The following PDE10A variants were observed in gnomAD, a reference collection of about 807,000 sequenced individuals.
PDE10A encodes the protein phosphodiesterase 10A, also known as cAMP and cAMP-inhibited cGMP 3',5'-cyclic phosphodiesterase 10A.
Under a neutral mutation model 97.7 loss-of-function variants are expected in PDE10A, and 39 were observed. That is an observed-to-expected ratio of 0.40 (90% CI 0.31 to 0.52). The LOEUF is 0.52. Ranked by LOEUF, PDE10A falls within the 20% of genes least tolerant of loss-of-function variation. The pLI is 0.56. For missense variants in PDE10A, 731 were observed against 1,047.8 expected (o/e 0.70, Z 4.17); for synonymous variants, 371 against 376.8 (o/e 0.98, Z 0.18).
At chr6:165,760,136 G>A (rs1874188) in intron 1 of PDE10A, among the ~76,000 whole-genome samples, 86,120 of 152,076 alleles carry the variant, frequency 0.57, 27,859 homozygotes, top group Non-Finnish European at 0.72. Flanking sequence ...AGAGAGCAAA[G>A]ACACCTTTGG....
intron 3 of PDE10A, among the ~76,000 whole-genome samples, chr6:165,468,485 C>T (rs1456636334): frequency 1.3e-5 from 2 of 152,124 alleles, no homozygotes; most frequent in Admixed American, 6.5e-5. Flanking sequence ...TTTATATGCG[C>T]TGAGAAACCA....
In PDE10A at chr6:165,395,890, T is replaced by C. The variant is rs78037399; in HGVS notation, c.2219+427A>G. Among the ~76,000 whole-genome samples, 353 of 152,288 alleles carry C rather than the reference T, an allele frequency of 2.3e-3. 3 individuals carry two copies. The highest frequency in any genetic ancestry group is 8.3e-3 in the African/African-American group (345 of 41,574). ...GCCCTACCCTCTAGTAACTTAAATA[T>C]ATTAACATAGGGTTAAAAAATACAG... On this transcript the variant is annotated intron_variant, in intron 14 of 21. Coordinates refer to ENST00000539869, the MANE Select transcript of PDE10A (RefSeq NM_001385079.1).
intron 1 of PDE10A, among the ~76,000 whole-genome samples, chr6:165,825,272 G>A (rs552957076): frequency 6.6e-6 from 1 of 152,282 alleles, no homozygotes; most frequent in African/African-American, 2.4e-5. Flanking sequence ...CACAAGCCCA[G>A]GGGTGTGTCT....
chr6:165,974,126 C>A (rs976413365), intron 1 of PDE10A, among the ~76,000 whole-genome samples: 2 of 152,216 alleles, frequency 1.3e-5, no homozygotes, highest in Non-Finnish European at 2.9e-5. Flanking sequence ...AGCTTCTTAT[C>A]AATGCAGATA....
intron 1 of PDE10A, among the ~76,000 whole-genome samples, chr6:165,786,464 A>G (rs1376291952): frequency 6.6e-6 from 1 of 152,236 alleles, no homozygotes; most frequent in Non-Finnish European, 1.5e-5. Context: ...TAGTATCAAA[A>G]TAATTTAAAT....
At chr6:165,845,941 C>T (rs1780404856) in intron 1 of PDE10A, among the ~76,000 whole-genome samples, 1 of 152,126 alleles carries the variant, frequency 6.6e-6, no homozygotes, top group South Asian at 2.1e-4. Flanking sequence ...AAAAAACCCA[C>T]TGCCTTGTCT....
chr6:165,947,906 G>A (rs1344831226), intron 1 of PDE10A, among the ~76,000 whole-genome samples: 2 of 152,010 alleles, frequency 1.3e-5, no homozygotes, highest in Admixed American at 6.6e-5. Flanking sequence ...AAAGGGCAGC[G>A]TTAGGTAATG....
chr6:165,829,228 G>A (rs921320189), intron 1 of PDE10A, among the ~76,000 whole-genome samples: 1 of 152,164 alleles, frequency 6.6e-6, no homozygotes, highest in South Asian at 2.1e-4. Flanking sequence ...CCCTGATATC[G>A]CTGCTCCCCC....
At chr6:165,334,543 T>A (rs568199075) in intron 21 of PDE10A, among the ~76,000 whole-genome samples, 20 of 152,294 alleles carry the variant, frequency 1.3e-4, no homozygotes, top group African/African-American at 4.6e-4. Flanking sequence ...CACACAGAAT[T>A]TCTGGACAGG....
chr6:165,846,321 C>A (rs75880897), intron 1 of PDE10A, among the ~76,000 whole-genome samples: 3,267 of 152,306 alleles, frequency 0.021, 104 homozygotes, highest in African/African-American at 0.075. Context: ...CATTCCACCC[C>A]CTCCATCGGA....
chr6:165,679,435 A>T (rs774800864), intron 1 of PDE10A, among the ~76,000 whole-genome samples: 11 of 152,186 alleles, frequency 7.2e-5, no homozygotes, highest in Non-Finnish European at 1.5e-4. Flanking sequence ...GACTGGAAAG[A>T]CTGCCTGGAA....
At chr6:165,366,137 T>G (rs1198798774) in intron 18 of PDE10A, among the ~76,000 whole-genome samples, 2 of 152,270 alleles carry the variant, frequency 1.3e-5, no homozygotes, top group Non-Finnish European at 2.9e-5. Flanking sequence ...ATGATAAACA[T>G]GATTTATCAA....
chr6:165,769,566 C>T (rs1777950115), intron 1 of PDE10A, among the ~76,000 whole-genome samples: 1 of 152,198 alleles, frequency 6.6e-6, no homozygotes, highest in South Asian at 2.1e-4. Context: ...ACACATCCTA[C>T]ACTCTGCCAA....
intron 2 of PDE10A, among the ~76,000 whole-genome samples, chr6:165,509,522 T>G (rs1356604105): frequency 6.6e-6 from 1 of 151,990 alleles, no homozygotes; most frequent in East Asian, 1.9e-4. Flanking sequence ...GTGTGATGCC[T>G]CCGGTGTTGT....
intron 1 of PDE10A, among the ~76,000 whole-genome samples, chr6:165,568,071 T>C (rs937354715): frequency 3.5e-5 from 5 of 141,004 alleles, no homozygotes; most frequent in African/African-American, 1.3e-4. Flanking sequence ...CAATCTTGGC[T>C]CACTGCAAGC....
At chr6:165,621,100 A>G (rs183598047) in intron 1 of PDE10A, among the ~76,000 whole-genome samples, 43 of 152,130 alleles carry the variant, frequency 2.8e-4, no homozygotes, top group Admixed American at 1.0e-3. Context: ...TCCAGTTCTA[A>G]TTCTACATGT....
At chr6:165,682,097 G>A (rs1790992842) in intron 1 of PDE10A, among the ~76,000 whole-genome samples, 1 of 152,096 alleles carries the variant, frequency 6.6e-6, no homozygotes. Flanking sequence ...TCTCTTACTT[G>A]AGACTGAAGG....
chr6:165,796,224 T>C (rs911960608), intron 1 of PDE10A, among the ~76,000 whole-genome samples: 1 of 151,006 alleles, frequency 6.6e-6, no homozygotes, highest in East Asian at 2.0e-4. Context: ...GCCTCCCAAG[T>C]AGCCGGGACT....
intron 1 of PDE10A, among the ~76,000 whole-genome samples, chr6:165,752,169 G>T (rs1447880912): frequency 2.0e-5 from 3 of 146,758 alleles, no homozygotes; most frequent in Non-Finnish European, 4.5e-5. Flanking sequence ...GTAAAAGTAG[G>T]TATAAAGACA....
Sources: allele counts gnomAD v4.1 joint callset (sites outside exome capture counted in the v4.1 genomes callset), GRCh38; gene constraint gnomAD v4.1.1; transcripts MANE v1.5; gene names NCBI Gene and HGNC (gene_info 2026-07-23, HGNC 2026-07-21).